Variants in CCDC171 observed in about 807,000 individuals in gnomAD.
CCDC171 encodes coiled-coil domain-containing protein 171.
In CCDC171, 177 loss-of-function variants were observed where a neutral mutation model predicts 168.2. The ratio of observed to expected loss-of-function variants is 1.05; its 90% CI spans 0.93 to 1.19. CCDC171 has a LOEUF of 1.19. CCDC171 is among the 50% of genes most tolerant of loss of function. CCDC171 has a pLI of 0.00. For synonymous variants in CCDC171, 687 were observed against 540.8 expected, an observed-to-expected ratio of 1.27 and a Z score of -3.75; for missense variants, 1,991 against 1,539.0, an observed-to-expected ratio of 1.29 and a Z score of -4.91.
At chr9:16,039,453 T>TA (rs752956119), upstream of CCDC171, among the ~76,000 whole-genome samples, 17 of 152,182 alleles carry the variant, frequency 1.1e-4, no homozygotes, top group Non-Finnish European at 2.1e-4. Context: ...ATGCGTTAGT[T>TA]AGAATGTAGG....
intron 6 of CCDC171, among the ~76,000 whole-genome samples, chr9:15,598,687 C>G (rs1030915008): frequency 5.9e-5 from 9 of 152,096 alleles, no homozygotes; most frequent in African/African-American, 2.2e-4. Flanking sequence ...GAGCTGAGTT[C>G]AATTCCTGGA....
At chr9:15,607,062 A>G (rs181134285) in intron 6 of CCDC171, among the ~76,000 whole-genome samples, 2 of 152,156 alleles carry the variant, frequency 1.3e-5, no homozygotes, top group Admixed American at 1.3e-4. Flanking sequence ...GATTTTCTTG[A>G]GTGTTACATT....
chr9:15,958,313 T>A (rs1830007950), intron 25 of CCDC171, among the ~76,000 whole-genome samples: 1 of 152,084 alleles, frequency 6.6e-6, no homozygotes, highest in African/African-American at 2.4e-5. Flanking sequence ...AATATGGCTT[T>A]GGGGCACTTG....
At chr9:15,941,279 G>T (rs1432185285) in intron 25 of CCDC171, among the ~76,000 whole-genome samples, 2 of 151,998 alleles carry the variant, frequency 1.3e-5, no homozygotes, top group African/African-American at 4.8e-5. Flanking sequence ...TGCATAGAAA[G>T]TTAGTGTATT....
In CCDC171 at chr9:15,905,287, G is replaced by A. The variant is rs183733765; in HGVS notation, c.3601-14983G>A. ...ATAGTTGGAAGTAAAGCACTCCTCA[G>A]CAAATATAAAAGAACGGAAATTATA... On this transcript the variant is annotated intron_variant, in intron 24 of 25. Coordinates refer to ENST00000380701, the MANE Select transcript of CCDC171 (RefSeq NM_173550.4). Among the ~76,000 whole-genome samples the A allele has an allele frequency of 5.6e-3, 853 of 152,262 alleles. 3 individuals carry two copies. The highest frequency in any genetic ancestry group is 9.5e-3 in the Non-Finnish European group (647 of 68,026).
chr9:15,722,017 G>A (rs1473632297), intron 12 of CCDC171, 142 bp downstream of exon 12: 6 of 365,634 alleles, frequency 1.6e-5, no homozygotes, highest in Non-Finnish European at 2.4e-5. Context: ...ATTATCTTTC[G>A]CTGTTCTTTC....
the CCDC171 span, among the ~76,000 whole-genome samples, chr9:16,103,219 G>T: frequency 6.6e-6 from 1 of 152,196 alleles, no homozygotes; most frequent in Non-Finnish European, 1.5e-5. Context: ...ACAAAGATAA[G>T]GGGGATTTGC....
chr9:15,692,530 CTTT>C (rs1373727093), intron 10 of CCDC171, among the ~76,000 whole-genome samples: 3 of 142,682 alleles, frequency 2.1e-5, no homozygotes, highest in African/African-American at 5.1e-5. Context: ...ATCATTACTA[CTTT>C]TTTTTTTTTT....
chr9:15,623,475 G>GCGCGCGCGCGCACACACACA lies in CCDC171; in HGVS notation c.822+63_822+64insGCGCGCGCGCACACACACAC. ...CAAACTTTCACATATGCGCGCGCGC[G>GCGCGCGCGCGCACACACACA]CACACACACACACACACACACACAC... is the stretch of plus-strand genomic sequence containing the variant. On this transcript the variant is annotated intron_variant, in intron 7 of 25. Coordinates refer to ENST00000380701, the MANE Select transcript of CCDC171 (RefSeq NM_173550.4). The GCGCGCGCGCGCACACACACA allele has an allele frequency of 3.6e-3, 1,124 of 315,322 alleles. 9 individuals carry two copies. Among genetic ancestry groups the GCGCGCGCGCGCACACACACA allele is most frequent in the Admixed American group, 6.5e-3 (128 of 19,756 alleles). 19.5% of individuals were successfully genotyped at this position (315,322 alleles called of 1,614,324 possible). A position where few individuals can be genotyped will look rare whatever the true frequency, so the allele number is the denominator to read the frequency against.
At chr9:15,843,325 G>T (rs1199461279) in intron 21 of CCDC171, among the ~76,000 whole-genome samples, 2 of 152,028 alleles carry the variant, frequency 1.3e-5, no homozygotes, top group African/African-American at 4.8e-5. Context: ...TTGTGACATT[G>T]GTTCTTGTGT....
At chr9:15,569,215 T>A (rs551881217) in intron 2 of CCDC171, among the ~76,000 whole-genome samples, 1 of 152,302 alleles carries the variant, frequency 6.6e-6, no homozygotes, top group African/African-American at 2.4e-5. Context: ...TCTGTAATAG[T>A]TTCCTCCCAT....
rs144403701 is a variant in CCDC171, at chr9:15,753,243, T to C, written c.2671+7612T>C. Among the ~76,000 whole-genome samples the C allele has an allele frequency of 1.3e-4, 20 of 152,138 alleles. 1 individual carries two copies. Among genetic ancestry groups the C allele is most frequent in the African/African-American group, 4.1e-4 (17 of 41,502 alleles). Reference sequence around the variant, plus strand: ...TATAGGGAAGACTTCAGGGAGGAGCTTGTGATTTAGCTAGACTTAGAATGA... The same window carrying C: ...TATAGGGAAGACTTCAGGGAGGAGCCTGTGATTTAGCTAGACTTAGAATGA... On this transcript the variant is annotated intron_variant, in intron 18 of 25. Transcript: ENST00000380701.
At chr9:16,026,110 T>C (rs984799792) in intron 6 of CCDC171, among the ~76,000 whole-genome samples, 1 of 152,138 alleles carries the variant, frequency 6.6e-6, no homozygotes, top group African/African-American at 2.4e-5. Context: ...CTCCATGTTT[T>C]GCTGGAGAGG....
chr9:15,628,721 G>A lies in CCDC171; in HGVS notation c.822+5308G>A, dbSNP rs550501387. On this transcript the variant is annotated intron_variant, in intron 7 of 25. Coordinates refer to ENST00000380701, the MANE Select transcript of CCDC171 (RefSeq NM_173550.4). ...CTGGAGATCTGAGAATGGGCAGACT[G>A]CCTCCTCAAGTGGGTCCCTGACCCC... Among the ~76,000 whole-genome samples, 4 of 152,334 alleles carry A rather than the reference G, an allele frequency of 2.6e-5. No homozygotes were observed. In the East Asian group the frequency reaches 7.7e-4, roughly 29 times the overall value.
chr9:15,739,203 C>T (rs574275471), intron 16 of CCDC171, among the ~76,000 whole-genome samples: 4 of 152,170 alleles, frequency 2.6e-5, no homozygotes, highest in African/African-American at 9.7e-5. Context: ...CTGAAATGGG[C>T]TCTGAAGATT....
intron 6 of CCDC171, among the ~76,000 whole-genome samples, chr9:15,613,527 C>CTT (rs749825977): frequency 2.9e-5 from 4 of 139,132 alleles, no homozygotes; most frequent in Non-Finnish European, 4.7e-5. Flanking sequence ...TTTTTCTTTT[C>CTT]TTTTTTTTTT....
chr9:15,822,273 G>A (rs1462324687), intron 21 of CCDC171, among the ~76,000 whole-genome samples: 2 of 152,018 alleles, frequency 1.3e-5, no homozygotes, highest in African/African-American at 4.8e-5. Context: ...ATAGGCATGG[G>A]CAAGGATTTC....
intron 7 of CCDC171, among the ~76,000 whole-genome samples, chr9:15,637,554 G>A (rs972510794): frequency 3.3e-5 from 5 of 151,326 alleles, no homozygotes; most frequent in Middle Eastern, 6.8e-3. Flanking sequence ...GTGCCATGCT[G>A]GTGTGCTGCA....
chr9:15,995,128 C>G (rs1832331317), intron 3 of CCDC171, among the ~76,000 whole-genome samples: 1 of 152,258 alleles, frequency 6.6e-6, no homozygotes, highest in Non-Finnish European at 1.5e-5. Flanking sequence ...TGCTAGCATG[C>G]TATTCAAGAA....
Sources: gnomAD v4.1 joint callset for allele counts (sites outside exome capture counted in the v4.1 genomes callset) on GRCh38, gnomAD v4.1.1 for gene constraint, MANE v1.5 for transcripts, NCBI Gene and HGNC (gene_info 2026-07-23, HGNC 2026-07-21) for gene names.